The following GALNTL6 variants were observed in gnomAD, a reference collection of about 807,000 sequenced individuals.
The protein encoded by GALNTL6 is polypeptide N-acetylgalactosaminyltransferase like 6.
Under a neutral mutation model 73.7 loss-of-function variants are expected in GALNTL6, and 46 were observed. The observed-to-expected ratio is 0.62, with a 90% CI of 0.49 to 0.80. GALNTL6 has a LOEUF of 0.80. Ranked by LOEUF, GALNTL6 falls within the 30% of genes least tolerant of loss-of-function variation. The pLI is 0.00. For missense variants in GALNTL6, 604 were observed against 755.0 expected (o/e 0.80, Z 2.34); for synonymous variants, 259 against 263.7 (o/e 0.98, Z 0.17).
chr4:173,007,813 A>T (rs1419435575), intron 10 of GALNTL6, among the ~76,000 whole-genome samples: 2 of 152,136 alleles, frequency 1.3e-5, no homozygotes, highest in Non-Finnish European at 2.9e-5. Context: ...CTCAAAAAAA[A>T]AAACAAGATA....
chr4:171,884,222 C>T (rs1408529076), intron 2 of GALNTL6, among the ~76,000 whole-genome samples: 1 of 152,074 alleles, frequency 6.6e-6, no homozygotes, highest in African/African-American at 2.4e-5. Context: ...TGTCATTTAG[C>T]TTTGCTATTA....
At position 171,949,031 on chromosome 4, in the gene GALNTL6, G is replaced by A. The variant is rs573970861; in HGVS notation, c.138+134313G>A. On this transcript the variant is annotated intron_variant, in intron 2 of 12. Transcript: ENST00000506823. Reference sequence around the variant, plus strand: ...CTGAGTTGACATGACAATAAAAAAAGTATTCAGAGTGCGTCCAAAAAGGAA... The same window carrying A: ...CTGAGTTGACATGACAATAAAAAAAATATTCAGAGTGCGTCCAAAAAGGAA... 1.3e-4 allele frequency among the ~76,000 whole-genome samples: 20 copies of A among 151,620 alleles called. No individual in the cohort carries two copies. The East Asian group carries it at 3.7e-3, about 28-fold the overall frequency.
intron 2 of GALNTL6, among the ~76,000 whole-genome samples, chr4:172,220,535 A>G (rs1052042053): frequency 3.3e-5 from 5 of 151,684 alleles, no homozygotes; most frequent in African/African-American, 1.2e-4. Context: ...CCAATCATCC[A>G]TTTTACATGT....
intron 3 of GALNTL6, among the ~76,000 whole-genome samples, chr4:172,249,040 G>C (rs1186184718): frequency 2.6e-5 from 4 of 152,166 alleles, no homozygotes; most frequent in African/African-American, 7.2e-5. Flanking sequence ...AGTGACTTTG[G>C]AACTGGGTAA....
intron 2 of GALNTL6, chr4:171,815,971 A>G (rs1446432429): frequency 2.0e-5 from 3 of 152,088 alleles, no homozygotes; most frequent in Non-Finnish European, 2.9e-5. Flanking sequence ...TTAGTTGTTA[A>G]TATTTATTAT....
chr4:172,893,279 G>A (rs186708105), intron 8 of GALNTL6, among the ~76,000 whole-genome samples: 1 of 152,110 alleles, frequency 6.6e-6, no homozygotes, highest in Non-Finnish European at 1.5e-5. Context: ...TGTTGAGAGA[G>A]GGGCACCCAG....
intron 5 of GALNTL6, among the ~76,000 whole-genome samples, chr4:172,783,395 ATAT>A (rs943181070): frequency 6.1e-5 from 9 of 147,570 alleles, no homozygotes; most frequent in Admixed American, 1.4e-4. Flanking sequence ...ATTTATAATA[ATAT>A]TATAATATTA....
intron 5 of GALNTL6, among the ~76,000 whole-genome samples, chr4:172,712,026 G>A (rs1366985155): frequency 6.6e-6 from 1 of 152,124 alleles, no homozygotes; most frequent in African/African-American, 2.4e-5. Context: ...CAGGTAACAT[G>A]ACAGCTAAGA....
intron 5 of GALNTL6, among the ~76,000 whole-genome samples, chr4:172,493,529 T>C (rs770294783): frequency 6.6e-6 from 1 of 152,186 alleles, no homozygotes; most frequent in Non-Finnish European, 1.5e-5. Flanking sequence ...ATAACCAATA[T>C]TTCCAACACT....
At chr4:172,916,765 A>G (rs1199290014) in intron 8 of GALNTL6, among the ~76,000 whole-genome samples, 3 of 144,936 alleles carry the variant, frequency 2.1e-5, no homozygotes, top group South Asian at 2.1e-4. Context: ...AACAAATGGA[A>G]GAACATTCCC....
At chr4:172,419,358 A>G (rs1730963865) in intron 5 of GALNTL6, among the ~76,000 whole-genome samples, 1 of 152,172 alleles carries the variant, frequency 6.6e-6, no homozygotes, top group Non-Finnish European at 1.5e-5. Context: ...GATCGTGTAT[A>G]TGAGGCAAAG....
chr4:172,739,173 G>C (rs1736654037), intron 5 of GALNTL6, among the ~76,000 whole-genome samples: 1 of 152,154 alleles, frequency 6.6e-6, no homozygotes, highest in South Asian at 2.1e-4. Flanking sequence ...GATGGTTGGA[G>C]GGCCTTAGAA....
chr4:172,464,367 G>A (rs1173080254), intron 5 of GALNTL6, among the ~76,000 whole-genome samples: 1 of 152,060 alleles, frequency 6.6e-6, no homozygotes, highest in Non-Finnish European at 1.5e-5. Context: ...TGAACATTAA[G>A]TACTTCCTAT....
chr4:172,667,224 T>C (rs1731719114), intron 5 of GALNTL6: 1 of 152,162 alleles, frequency 6.6e-6, no homozygotes. Flanking sequence ...ACTGAAACTA[T>C]TGCACTCTCC....
intron 5 of GALNTL6, among the ~76,000 whole-genome samples, chr4:172,664,397 T>A (rs963099173): frequency 3.9e-5 from 6 of 152,250 alleles, no homozygotes; most frequent in Non-Finnish European, 8.8e-5. Flanking sequence ...TCTGAAGACC[T>A]TACTTAATTT....
chr4:172,957,641 TAA>T (rs920066261), intron 10 of GALNTL6, among the ~76,000 whole-genome samples: 11 of 152,318 alleles, frequency 7.2e-5, no homozygotes, highest in African/African-American at 2.6e-4. Context: ...GCGTTTTTAT[TAA>T]AGAGGCATTA....
At chr4:171,852,365 G>T (rs1037867032) in intron 2 of GALNTL6, among the ~76,000 whole-genome samples, 5 of 151,844 alleles carry the variant, frequency 3.3e-5, no homozygotes, top group Middle Eastern at 3.4e-3. Flanking sequence ...AATGTGTGGG[G>T]TGGTGGTGGC....
intron 5 of GALNTL6, among the ~76,000 whole-genome samples, chr4:172,350,872 A>G (rs1199211684): frequency 6.6e-6 from 1 of 152,140 alleles, no homozygotes; most frequent in Admixed American, 6.5e-5. Context: ...TATGAGAACT[A>G]TAAATAATTA....
At chr4:172,850,112 G>T (rs1743736703) in intron 7 of GALNTL6, among the ~76,000 whole-genome samples, 1 of 152,134 alleles carries the variant, frequency 6.6e-6, no homozygotes, top group Non-Finnish European at 1.5e-5. Context: ...AAGAATGAGG[G>T]CCAGCAGCTG....
Sources: allele counts gnomAD v4.1 joint callset (sites outside exome capture counted in the v4.1 genomes callset), GRCh38; gene constraint gnomAD v4.1.1; transcripts MANE v1.5; gene names NCBI Gene and HGNC (gene_info 2026-07-23, HGNC 2026-07-21).